NXPE1: variants seen among roughly 807,000 people sequenced by gnomAD.
The protein encoded by NXPE1 is NXPE family member 1.
Under a neutral mutation model 33.3 loss-of-function variants are expected in NXPE1, and 31 were observed. That is an observed-to-expected ratio of 0.93 (90% CI 0.70 to 1.26). The LOEUF (loss-of-function observed/expected upper bound fraction) is 1.26. Among genes scored for constraint, NXPE1 ranks in the 50% most tolerant of loss-of-function variants. The pLI is 0.00. For synonymous variants in NXPE1, 229 were observed against 231.4 expected, an observed-to-expected ratio of 0.99 and a Z score of 0.09; for missense variants, 661 against 655.6, an observed-to-expected ratio of 1.01 and a Z score of -0.09.
chr11:114,542,113 A>ATCTGCTT (rs768624970), intron 5 of NXPE1, among the ~76,000 whole-genome samples: 17 of 152,232 alleles, frequency 1.1e-4, no homozygotes, highest in Non-Finnish European at 2.2e-4. Context: ...TGATTATTAT[A>ATCTGCTT]TCTGCTTTGT....
chr11:114,536,339 A>C (rs1467315094), intron 5 of NXPE1, among the ~76,000 whole-genome samples: 1 of 152,098 alleles, frequency 6.6e-6, no homozygotes, highest in African/African-American at 2.4e-5. Context: ...AGGAAAGATG[A>C]AAAATTGACA....
At chr11:114,557,651 ATAT>A (rs1565320736) in intron 1 of NXPE1, among the ~76,000 whole-genome samples, 1 of 53,368 alleles carries the variant, frequency 1.9e-5, no homozygotes, top group Non-Finnish European at 3.6e-5. Context: ...ATATATATAT[ATAT>A]ATATATATAT....
chr11:114,526,713 G>A (rs1947379745), intron 7 of NXPE1: 1 of 152,108 alleles, frequency 6.6e-6, no homozygotes, highest in Non-Finnish European at 1.5e-5. Context: ...GAATTATCAG[G>A]TAAAAAGAGT....
At chr11:114,545,913 T>C (rs767943064) in intron 5 of NXPE1, among the ~76,000 whole-genome samples, 2 of 152,010 alleles carry the variant, frequency 1.3e-5, no homozygotes, top group African/African-American at 4.8e-5. Flanking sequence ...ATGGTCTCGA[T>C]AGCTTGACTT....
At chr11:114,532,722 T>C (rs956715209) in intron 5 of NXPE1, among the ~76,000 whole-genome samples, 2 of 152,200 alleles carry the variant, frequency 1.3e-5, no homozygotes, top group Non-Finnish European at 2.9e-5. Context: ...TGTGTGTATG[T>C]GCATATATGC....
chr11:114,554,113 A>G (rs1948593287), intron 1 of NXPE1: 22 of 985,220 alleles, frequency 2.2e-5, no homozygotes, highest in Non-Finnish European at 2.5e-5. Flanking sequence ...TCCTCTCCTT[A>G]TGCTTCTATA....
chr11:114,548,572 A>C (rs182806174), intron 5 of NXPE1, among the ~76,000 whole-genome samples: 13 of 152,182 alleles, frequency 8.5e-5, no homozygotes, highest in Admixed American at 3.9e-4. Flanking sequence ...TCGTGACTCA[A>C]AGAAAAATAT....
chr11:114,530,859 G>C (rs563302697), exon 6 of NXPE1: 1 of 1,613,762 alleles, frequency 6.2e-7, no homozygotes, highest in East Asian at 2.2e-5. Flanking sequence ...GGACTTTGCG[G>C]AGTTGTTCCA....
chr11:114,535,020 G>A (rs1947747068), intron 5 of NXPE1, among the ~76,000 whole-genome samples: 1 of 152,118 alleles, frequency 6.6e-6, no homozygotes. Context: ...AATGTTAAGG[G>A]CAGCCAGAGA....
chr11:114,530,255 G>A, exon 6 of NXPE1: 1 of 1,613,958 alleles, frequency 6.2e-7, no homozygotes, highest in South Asian at 1.1e-5. Flanking sequence ...GAGCCTCACA[G>A]GGCATGTGTT....
intron 5 of NXPE1, among the ~76,000 whole-genome samples, chr11:114,537,501 G>T (rs939205001): frequency 6.6e-6 from 1 of 152,212 alleles, no homozygotes; most frequent in Non-Finnish European, 1.5e-5. Flanking sequence ...GTCCCTGTTT[G>T]CAGATGACAT....
At chr11:114,534,989 CAA>C (rs1277825347) in intron 5 of NXPE1, among the ~76,000 whole-genome samples, 1 of 152,058 alleles carries the variant, frequency 6.6e-6, no homozygotes, top group African/African-American at 2.4e-5. Context: ...TCAAATTCAC[CAA>C]AGTTTAAATG....
chr11:114,557,704 A>G (rs566925783), intron 1 of NXPE1, among the ~76,000 whole-genome samples: 2 of 144,294 alleles, frequency 1.4e-5, no homozygotes, highest in Admixed American at 1.4e-4. Context: ...TTGTACATTT[A>G]GTTTCCTTCT....
rs76252518 is a variant in NXPE1, at chr11:114,527,552, G to A, written c.895+288C>T. Among the ~76,000 whole-genome samples, 191 of 152,232 alleles carry A rather than the reference G, an allele frequency of 1.3e-3. 1 individual carries two copies. In the East Asian group the frequency reaches 0.035, roughly 28 times the overall value. ...TCCTATTCTGAAGCTGTAGATATCC[G>A]TCCTTCAAAGACATTTGCACAGTGC... On this transcript the variant is annotated intron_variant, in intron 7 of 8. Coordinates refer to ENST00000534921, the Ensembl canonical transcript of NXPE1.
intron 5 of NXPE1, among the ~76,000 whole-genome samples, chr11:114,541,600 TG>T (rs1437371658): frequency 1.3e-5 from 2 of 152,148 alleles, no homozygotes; most frequent in Non-Finnish European, 2.9e-5. Context: ...TGGGGAGGCA[TG>T]AAACATCAAT....
chr11:114,523,585 G>T (rs910472305), intron 7 of NXPE1, among the ~76,000 whole-genome samples: 2 of 152,158 alleles, frequency 1.3e-5, no homozygotes, highest in African/African-American at 4.8e-5. Context: ...CACCTAGCTT[G>T]ACAATTTTTT....
At chr11:114,547,522 G>T (rs1002027257) in intron 5 of NXPE1, among the ~76,000 whole-genome samples, 1 of 152,136 alleles carries the variant, frequency 6.6e-6, no homozygotes, top group African/African-American at 2.4e-5. Flanking sequence ...ATCACTTGAG[G>T]TTAGGAGTTT....
chr11:114,535,781 G>A (rs534835234), intron 5 of NXPE1, among the ~76,000 whole-genome samples: 7 of 152,230 alleles, frequency 4.6e-5, no homozygotes, highest in Non-Finnish European at 1.0e-4. Flanking sequence ...GATTCATAAA[G>A]CAAGTCCTTA....
intron 5 of NXPE1, among the ~76,000 whole-genome samples, chr11:114,550,350 A>G (rs1392646245): frequency 6.6e-6 from 1 of 152,182 alleles, no homozygotes; most frequent in African/African-American, 2.4e-5. Context: ...CTTTGTAATT[A>G]AAGTAGGATG....
Sources: gnomAD v4.1 joint callset for allele counts (sites outside exome capture counted in the v4.1 genomes callset) on GRCh38, gnomAD v4.1.1 for gene constraint, MANE v1.5 for transcripts, NCBI Gene and HGNC (gene_info 2026-07-23, HGNC 2026-07-21) for gene names.